Variants in HNRNPLL observed in about 807,000 individuals in gnomAD.
The protein encoded by HNRNPLL is heterogeneous nuclear ribonucleoprotein L like, also known as heterogeneous nuclear ribonucleoprotein L-like.
HNRNPLL carries 25 observed loss-of-function variants against 67.1 expected under a neutral mutation model. The ratio of observed to expected loss-of-function variants is 0.37; its 90% CI spans 0.27 to 0.52. HNRNPLL has a LOEUF of 0.52. HNRNPLL is among the 20% of genes least tolerant of loss of function. HNRNPLL has a pLI of 0.90. For synonymous variants in HNRNPLL, 267 were observed against 241.7 expected (o/e 1.10, Z -0.97); for missense variants, 542 against 673.9 (o/e 0.80, Z 2.17).
chr2:38,583,482 T>G (rs1666615967), intron 4 of HNRNPLL, among the ~76,000 whole-genome samples: 1 of 152,112 alleles, frequency 6.6e-6, no homozygotes. Flanking sequence ...TTTTAAAGGT[T>G]CAATAAAAAA....
intron 1 of HNRNPLL, 191 bp downstream of exon 1, chr2:38,602,247 C>T (rs1482795577): frequency 1.7e-6 from 1 of 572,122 alleles, no homozygotes; most frequent in Non-Finnish European, 2.9e-6. Context: ...AGGACGGCGC[C>T]GGGTTCGCAG....
At chr2:38,586,655 T>G (rs76139364) in intron 2 of HNRNPLL, among the ~76,000 whole-genome samples, 2,900 of 152,230 alleles carry the variant, frequency 0.019, 36 homozygotes, top group South Asian at 0.063. Context: ...TAAATATAAA[T>G]GGAAGCAACA....
chr2:38,592,514 G>A (rs1472100370), intron 1 of HNRNPLL, among the ~76,000 whole-genome samples: 1 of 152,190 alleles, frequency 6.6e-6, no homozygotes, highest in African/African-American at 2.4e-5. Flanking sequence ...TACCATCTTT[G>A]CAAGGCAGGG....
At chr2:38,584,388 A>C (rs1471701498) in intron 3 of HNRNPLL, among the ~76,000 whole-genome samples, 1 of 152,186 alleles carries the variant, frequency 6.6e-6, no homozygotes, top group African/African-American at 2.4e-5. Flanking sequence ...ATAAATCTTA[A>C]GGTATTTCTT....
chr2:38,577,352 C>G (rs774372942), intron 7 of HNRNPLL, 109 bp downstream of exon 7: 1 of 731,092 alleles, frequency 1.4e-6, no homozygotes, highest in Admixed American at 2.0e-5. Flanking sequence ...CCATATAAAC[C>G]GAGGCAGATA....
Position 38,602,455 on chromosome 2 carries a change from G to GGCC in HNRNPLL, c.169_171dup (p.Gly57dup), listed in dbSNP as rs530811880. 3,297 of 1,535,762 alleles carry GGCC rather than the reference G, an allele frequency of 2.1e-3. 74 individuals are homozygous for GGCC. In the East Asian group the frequency reaches 0.035, roughly 16 times the overall value. On this transcript the variant is annotated inframe_insertion, in exon 1 of 13. Coordinates refer to ENST00000449105, the MANE Select transcript of HNRNPLL (RefSeq NM_138394.4). ...TTTGTTACCGGCTGAGAGAAGCTCCGGCCGCCGCCGCCGCCATCGCCCCCG... is the reference window on the plus strand; with the variant it reads ...TTTGTTACCGGCTGAGAGAAGCTCCGGCCGCCGCCGCCGCCGCCATCGCCCCCG...
intron 2 of HNRNPLL, 31 bp from the exon 3 acceptor site, chr2:38,585,912 A>G: frequency 7.9e-7 from 1 of 1,267,060 alleles, no homozygotes; most frequent in Non-Finnish European, 1.2e-6. Flanking sequence ...GAAACACACA[A>G]ACACAGCAAG....
At chr2:38,602,080 G>A (rs996486977) in intron 1 of HNRNPLL, 2 of 267,610 alleles carry the variant, frequency 7.5e-6, no homozygotes, top group African/African-American at 2.3e-5. Flanking sequence ...CGGTGGTCCC[G>A]ACGCTGGCCC....
chr2:38,593,352 AAAT>A (rs1182695424), intron 1 of HNRNPLL, among the ~76,000 whole-genome samples: 2 of 152,236 alleles, frequency 1.3e-5, no homozygotes, highest in Admixed American at 6.5e-5. Context: ...GAAGAGCTCT[AAAT>A]AATACCTACC....
intron 6 of HNRNPLL, among the ~76,000 whole-genome samples, chr2:38,580,863 G>T (rs760670606): frequency 6.6e-6 from 1 of 152,138 alleles, no homozygotes; most frequent in Admixed American, 6.5e-5. Context: ...CATTTGAAAT[G>T]TCAAAATTTC....
At chr2:38,590,027 C>T (rs1428830595) in intron 2 of HNRNPLL, among the ~76,000 whole-genome samples, 1 of 152,152 alleles carries the variant, frequency 6.6e-6, no homozygotes, top group Non-Finnish European at 1.5e-5. Context: ...ATGTAACTCT[C>T]CACGCAGATT....
intron 1 of HNRNPLL, among the ~76,000 whole-genome samples, chr2:38,599,064 T>C (rs1194440132): frequency 1.3e-5 from 2 of 152,226 alleles, no homozygotes; most frequent in East Asian, 1.9e-4. Flanking sequence ...CACAGTAATA[T>C]TGCTATCATT....
At chr2:38,592,329 A>C (rs1364749081) in intron 1 of HNRNPLL, among the ~76,000 whole-genome samples, 2 of 152,242 alleles carry the variant, frequency 1.3e-5, no homozygotes, top group East Asian at 1.9e-4. Context: ...AAAAAGTTCC[A>C]ATCAAAAATT....
At chr2:38,570,190 T>C (rs762124340) in intron 8 of HNRNPLL, among the ~76,000 whole-genome samples, 78 of 152,206 alleles carry the variant, frequency 5.1e-4, no homozygotes, top group Non-Finnish European at 3.5e-4. Context: ...GAGGGCAATA[T>C]ACTTAACTTC....
In HNRNPLL at chr2:38,569,937, A is replaced by G; in HGVS notation, c.1093-12T>C. 6.4e-7 allele frequency: 1 copy of G among 1,569,054 alleles called. No individual in the cohort carries two copies. Among genetic ancestry groups the G allele is most frequent in the South Asian group, 1.2e-5 (1 of 84,226 alleles). ...TTCATAAATTTTACCTGTAAACACA[A>G]AATTCCAAAAAGGTGACCATTTAAT... On this transcript the variant is annotated splice_polypyrimidine_tract_variant and intron_variant, in intron 8 of 12. Coordinates refer to ENST00000449105, the MANE Select transcript of HNRNPLL (RefSeq NM_138394.4).
chr2:38,564,667 AT>A (rs1665786513), intron 12 of HNRNPLL, among the ~76,000 whole-genome samples: 1 of 151,422 alleles, frequency 6.6e-6, no homozygotes, highest in Non-Finnish European at 1.5e-5. Flanking sequence ...TAAGGGAAAG[AT>A]TTTTATTCAT....
chr2:38,576,845 A>G (rs987837921), intron 7 of HNRNPLL, among the ~76,000 whole-genome samples: 1 of 151,970 alleles, frequency 6.6e-6, no homozygotes, highest in East Asian at 1.9e-4. Flanking sequence ...AGCTAGTTAA[A>G]AGATTCTACT....
Position 38,602,815 on chromosome 2 carries a change from G to A in HNRNPLL, c.-189C>T, listed in dbSNP as rs912329727. On this transcript the variant is annotated 5_prime_UTR_variant, in exon 1 of 13. Transcript: ENST00000449105. ...GAAGCGCGGACGGACTGAGGGGGGCGCCCCGGGAGGAAGCTCTGGAGCGGC... is the reference window on the plus strand; with the variant it reads ...GAAGCGCGGACGGACTGAGGGGGGCACCCCGGGAGGAAGCTCTGGAGCGGC... 1.3e-6 allele frequency: 2 copies of A among 1,544,814 alleles called. No homozygotes were observed. The highest frequency in any genetic ancestry group is 1.4e-5 in the African/African-American group (1 of 72,078).
chr2:38,590,636 A>AT (rs1666923345), intron 2 of HNRNPLL, among the ~76,000 whole-genome samples: 1 of 152,224 alleles, frequency 6.6e-6, no homozygotes, highest in Non-Finnish European at 1.5e-5. Flanking sequence ...ATTCTTAAGT[A>AT]TACAGCAGCT....
Sources: allele counts gnomAD v4.1 joint callset (sites outside exome capture counted in the v4.1 genomes callset), GRCh38; gene constraint gnomAD v4.1.1; transcripts MANE v1.5; gene names NCBI Gene and HGNC (gene_info 2026-07-23, HGNC 2026-07-21).